SLC14A2: variants seen among roughly 807,000 people sequenced by gnomAD.
The protein encoded by SLC14A2 is urea transporter 2.
Under a neutral mutation model 104.6 loss-of-function variants are expected in SLC14A2, and 91 were observed. The observed-to-expected ratio is 0.87, with a 90% confidence interval of 0.73 to 1.04. SLC14A2 has a LOEUF of 1.04. Among genes scored for constraint, SLC14A2 ranks in the 50% least tolerant of loss-of-function variants. The probability of loss-of-function intolerance (pLI) is 0.00; values close to 1 mark genes in which losing one functional copy is unlikely to be tolerated. For missense variants in SLC14A2, 1,189 were observed against 1,156.0 expected, an observed-to-expected ratio of 1.03 and a Z score of -0.41; for synonymous variants, 476 against 466.4, an observed-to-expected ratio of 1.02 and a Z score of -0.27.
intron 1 of SLC14A2, among the ~76,000 whole-genome samples, chr18:45,349,390 T>C (rs1010252678): frequency 4.6e-5 from 7 of 152,204 alleles, no homozygotes; most frequent in African/African-American, 1.7e-4. Flanking sequence ...GTTTCAGTGA[T>C]AGAAATAGAT....
intron 2 of SLC14A2, among the ~76,000 whole-genome samples, chr18:45,589,553 C>T (rs1312065204): frequency 6.6e-6 from 1 of 152,002 alleles, no homozygotes; most frequent in African/African-American, 2.4e-5. Flanking sequence ...TTGGATAAGG[C>T]AAGAGAAAAG....
chr18:45,597,188 G>A (rs1017259448), intron 2 of SLC14A2, among the ~76,000 whole-genome samples: 1 of 152,146 alleles, frequency 6.6e-6, no homozygotes, highest in Non-Finnish European at 1.5e-5. Flanking sequence ...TTAGCCAGGC[G>A]TGGTGGTGTG....
chr18:45,521,388 G>C (rs187000730), intron 2 of SLC14A2, among the ~76,000 whole-genome samples: 103 of 152,260 alleles, frequency 6.8e-4, no homozygotes, highest in African/African-American at 2.1e-3. Flanking sequence ...CACAGGGTTA[G>C]GGATAGAGAC....
Position 45,432,651 on chromosome 18 carries a change from G to A in SLC14A2, c.-124-50582G>A, listed in dbSNP as rs142678824. On this transcript the variant is annotated intron_variant, in intron 1 of 20. Coordinates refer to the SLC14A2 transcript ENST00000586448. ...AATTTTCCACCCTGATTTCGGCTTT[G>A]TGAGTACACTTTGATATGTTCATGA... Among the ~76,000 whole-genome samples the A allele has an allele frequency of 7.3e-3, 1,114 of 152,300 alleles. 20 individuals carry two copies. Among genetic ancestry groups the A allele is most frequent in the South Asian group, 0.072 (347 of 4,812 alleles).
chr18:45,441,577 G>A (rs1018371012), intron 1 of SLC14A2, among the ~76,000 whole-genome samples: 3 of 152,200 alleles, frequency 2.0e-5, no homozygotes, highest in Non-Finnish European at 2.9e-5. Context: ...CAGTGAGAGA[G>A]CCAAGTTCAA....
chr18:45,334,097 T>C (rs993470582), intron 1 of SLC14A2, among the ~76,000 whole-genome samples: 11 of 152,232 alleles, frequency 7.2e-5, no homozygotes, highest in Non-Finnish European at 2.9e-5. Context: ...TGTGTTGCTT[T>C]TGTTCCTTGA....
At chr18:45,420,753 T>G (rs1049298602) in intron 1 of SLC14A2, among the ~76,000 whole-genome samples, 1 of 151,596 alleles carries the variant, frequency 6.6e-6, no homozygotes, top group Non-Finnish European at 1.5e-5. Flanking sequence ...TTATTATTTT[T>G]TTTTTTGAGA....
Position 45,515,925 on chromosome 18 carries a change from A to G in SLC14A2, c.-35+32603A>G, listed in dbSNP as rs191587941. On this transcript the variant is annotated intron_variant, in intron 2 of 20. Transcript: ENST00000586448. ...TTATCCATGGAACATAGCTTCAAAT[A>G]CCCAAGCCATTGTGGTAACTATAGG... Among the ~76,000 whole-genome samples the G allele has an allele frequency of 4.2e-3, 643 of 152,362 alleles. 4 individuals carry two copies. The highest frequency in any genetic ancestry group is 0.015 in the African/African-American group (619 of 41,578).
chr18:45,460,053 G>A (rs1376729860), intron 1 of SLC14A2, among the ~76,000 whole-genome samples: 1 of 152,152 alleles, frequency 6.6e-6, no homozygotes, highest in Non-Finnish European at 1.5e-5. Flanking sequence ...GCTTCCTTTA[G>A]TACTTAAAAC....
chr18:45,401,200 C>T (rs1408027198), intron 1 of SLC14A2, among the ~76,000 whole-genome samples: 1 of 152,180 alleles, frequency 6.6e-6, no homozygotes, highest in East Asian at 1.9e-4. Context: ...ATTACAACCA[C>T]TGACATCATC....
At position 45,573,001 on chromosome 18, in the gene SLC14A2, CT is replaced by C. The variant is rs1321835451; in HGVS notation, c.-34-51627del. On this transcript the variant is annotated intron_variant, in intron 2 of 20. Transcript: ENST00000586448. ...AAAAACCAAGTGGAGAATAGTCCGCCTTTATCCCCCAAAACACCAAGACAGA... is the reference window on the plus strand; with the variant it reads ...AAAAACCAAGTGGAGAATAGTCCGCCTTATCCCCCAAAACACCAAGACAGA... Among the ~76,000 whole-genome samples, 4 of 152,338 alleles carry C rather than the reference CT, an allele frequency of 2.6e-5. No individual in the cohort carries two copies. In the South Asian group the frequency reaches 8.3e-4, roughly 32 times the overall value.
intron 2 of SLC14A2, among the ~76,000 whole-genome samples, chr18:45,517,462 T>C (rs982776330): frequency 6.6e-6 from 1 of 152,216 alleles, no homozygotes; most frequent in Non-Finnish European, 1.5e-5. Context: ...CATGCTGTTT[T>C]CTGATGGGAA....
intron 1 of SLC14A2, among the ~76,000 whole-genome samples, chr18:45,475,646 T>TATATATATATATATATATTTAAG (rs2087353923): frequency 1.1e-4 from 1 of 9,400 alleles, no homozygotes; most frequent in Non-Finnish European, 2.0e-4. Flanking sequence ...ATTTAGGATA[T>TATATATATATATATATATTTAAG]ATATATATAT....
intron 5 of SLC14A2, among the ~76,000 whole-genome samples, chr18:45,636,565 G>A (rs918619854): frequency 3.9e-5 from 6 of 152,110 alleles, no homozygotes; most frequent in African/African-American, 1.4e-4. Context: ...CCTCCTAGAA[G>A]GTCAGTCTTC....
At chr18:45,288,956 C>T (rs139130520) in intron 1 of SLC14A2, among the ~76,000 whole-genome samples, 68 of 152,336 alleles carry the variant, frequency 4.5e-4, no homozygotes, top group Admixed American at 1.0e-3. Flanking sequence ...AGGAGCCCCA[C>T]GGCTCTTTGC....
chr18:45,209,449 TTTA>T (rs2083944061), upstream of SLC14A2, among the ~76,000 whole-genome samples: 1 of 152,126 alleles, frequency 6.6e-6, no homozygotes, highest in South Asian at 2.1e-4. Context: ...TTTATGAGAC[TTTA>T]TTATGTAAAA....
intron 2 of SLC14A2, among the ~76,000 whole-genome samples, chr18:45,541,775 T>C (rs1306042242): frequency 2.6e-5 from 4 of 152,208 alleles, no homozygotes; most frequent in African/African-American, 9.7e-5. Flanking sequence ...TCAGAGCCTA[T>C]GAGGTCACTG....
chr18:45,266,780 T>C (rs1401571561), intron 1 of SLC14A2, among the ~76,000 whole-genome samples: 2 of 152,188 alleles, frequency 1.3e-5, no homozygotes, highest in Non-Finnish European at 2.9e-5. Context: ...TGTATAGCTA[T>C]GGCTGTCTGG....
At chr18:45,268,934 C>T (rs1315992698) in intron 1 of SLC14A2, among the ~76,000 whole-genome samples, 1 of 148,030 alleles carries the variant, frequency 6.8e-6, no homozygotes, top group Non-Finnish European at 1.5e-5. Flanking sequence ...TCTTCAGCAT[C>T]ACTTTGCCTC....
Sources: allele counts gnomAD v4.1 joint callset (sites outside exome capture counted in the v4.1 genomes callset), GRCh38; gene constraint gnomAD v4.1.1; transcripts MANE v1.5; gene names NCBI Gene and HGNC (gene_info 2026-07-23, HGNC 2026-07-21).